The following PDE3B variants were observed in gnomAD, a reference collection of about 807,000 sequenced individuals.
The protein encoded by PDE3B is phosphodiesterase 3B.
PDE3B carries 66 observed loss-of-function variants against 116.8 expected under a neutral mutation model. That is an observed-to-expected ratio of 0.56 (90% confidence interval 0.46 to 0.69). The LOEUF (loss-of-function observed/expected upper bound fraction) is 0.69, where lower values mean the gene tolerates loss of function less well. Among genes scored for constraint, PDE3B ranks in the 30% least tolerant of loss-of-function variants. The pLI is 0.00. For synonymous variants in PDE3B, 595 were observed against 533.6 expected, an observed-to-expected ratio of 1.12 and a Z score of -1.59; for missense variants, 1,384 against 1,368.1, an observed-to-expected ratio of 1.01 and a Z score of -0.18.
chr11:14,681,519 T>G (rs1021505632), intron 1 of PDE3B, among the ~76,000 whole-genome samples: 1 of 152,200 alleles, frequency 6.6e-6, no homozygotes, highest in African/African-American at 2.4e-5. Context: ...GTGAGTCAAT[T>G]AAACCTCTTT....
the PDE3B span, among the ~76,000 whole-genome samples, chr11:14,887,972 G>A: frequency 1.5e-4 from 23 of 152,250 alleles, no homozygotes; most frequent in Admixed American, 9.2e-4. Flanking sequence ...AATTCTCAAC[G>A]TGGCATTCTC....
At chr11:14,790,080 G>A (rs1006207820) in intron 4 of PDE3B, among the ~76,000 whole-genome samples, 1 of 151,934 alleles carries the variant, frequency 6.6e-6, no homozygotes, top group African/African-American at 2.4e-5. Flanking sequence ...AACAGTAGAT[G>A]GCAGGATTGG....
intron 13 of PDE3B, 64 bp downstream of exon 13, chr11:14,859,310 T>C (rs947575840): frequency 1.5e-5 from 17 of 1,099,904 alleles, no homozygotes; most frequent in Non-Finnish European, 2.2e-5. Context: ...TGATAAAATA[T>C]GTTTTTTAAT....
chr11:14,765,166 T>A (rs1486983321), intron 1 of PDE3B, among the ~76,000 whole-genome samples: 2 of 152,004 alleles, frequency 1.3e-5, no homozygotes, highest in Non-Finnish European at 2.9e-5. Context: ...TAAAATGTCA[T>A]CAAGAAATGG....
intron 1 of PDE3B, among the ~76,000 whole-genome samples, chr11:14,656,406 C>G (rs1590035517): frequency 6.6e-6 from 1 of 152,144 alleles, no homozygotes; most frequent in East Asian, 1.9e-4. Context: ...TATATTTATA[C>G]TTATTGTCAT....
At chr11:14,666,312 C>T (rs1217513060) in intron 1 of PDE3B, among the ~76,000 whole-genome samples, 1 of 150,434 alleles carries the variant, frequency 6.6e-6, no homozygotes, top group Admixed American at 6.6e-5. Flanking sequence ...AAACGTTAGA[C>T]CTAAAACCAT....
chr11:14,787,110 T>G (rs1301042989), intron 3 of PDE3B, among the ~76,000 whole-genome samples: 1 of 152,138 alleles, frequency 6.6e-6, no homozygotes, highest in African/African-American at 2.4e-5. Context: ...GATTTTTAAG[T>G]TTTTTGAACC....
intron 2 of PDE3B, among the ~76,000 whole-genome samples, chr11:14,777,966 C>G (rs117731170): frequency 3.3e-5 from 5 of 152,198 alleles, no homozygotes; most frequent in African/African-American, 1.2e-4. Flanking sequence ...GCTTTTCCAC[C>G]TAATACTGCG....
chr11:14,892,210 C>G, the PDE3B span: 10 of 1,608,834 alleles, frequency 6.2e-6, no homozygotes, highest in African/African-American at 5.3e-5. Flanking sequence ...CCACATCGGC[C>G]CGAGCTGGAG....
At chr11:14,852,104 T>C (rs1847765263) in intron 12 of PDE3B, among the ~76,000 whole-genome samples, 1 of 152,216 alleles carries the variant, frequency 6.6e-6, no homozygotes, top group African/African-American at 2.4e-5. Flanking sequence ...TTGCCCAGGC[T>C]GGAGTGCAGT....
chr11:14,781,468 A>G (rs909586456), intron 2 of PDE3B, among the ~76,000 whole-genome samples: 1 of 152,232 alleles, frequency 6.6e-6, no homozygotes, highest in Non-Finnish European at 1.5e-5. Flanking sequence ...CACCATGATC[A>G]AGTGCGCTTC....
intron 1 of PDE3B, among the ~76,000 whole-genome samples, chr11:14,749,656 A>G (rs1271547328): frequency 6.6e-6 from 1 of 151,482 alleles, no homozygotes; most frequent in East Asian, 2.0e-4. Context: ...GCCATTCTTC[A>G]TATGTCACAA....
chr11:14,706,708 TA>T (rs2133823445), intron 1 of PDE3B, among the ~76,000 whole-genome samples: 1 of 152,108 alleles, frequency 6.6e-6, no homozygotes, highest in East Asian at 1.9e-4. Context: ...TTTTAGATCA[TA>T]GGTGAAATTG....
At chr11:14,646,011 C>G (rs961134294) in intron 1 of PDE3B, among the ~76,000 whole-genome samples, 21 of 152,186 alleles carry the variant, frequency 1.4e-4, no homozygotes, top group African/African-American at 4.8e-4. Flanking sequence ...GGTAACACAG[C>G]TTCACATGTC....
At chr11:14,737,334 C>G (rs1856630624) in intron 1 of PDE3B, among the ~76,000 whole-genome samples, 1 of 152,138 alleles carries the variant, frequency 6.6e-6, no homozygotes, top group African/African-American at 2.4e-5. Flanking sequence ...GCTGGGACTA[C>G]AGGCAGGCGC....
rs1859563663 is a variant in PDE3B, at chr11:14,822,808, G to A, written c.1807+3599G>A. On this transcript the variant is annotated intron_variant, in intron 7 of 15. Transcript: ENST00000282096. ...GAATTCAGGGGTCTGAGCAGCAATG[G>A]TCTTCAGGTCCCATGTCCACAGCAC... Among the ~76,000 whole-genome samples, 3 of 152,182 alleles carry A rather than the reference G, an allele frequency of 2.0e-5. No individual in the cohort carries two copies. In the South Asian group the frequency reaches 6.2e-4, roughly 31 times the overall value.
intron 1 of PDE3B, among the ~76,000 whole-genome samples, chr11:14,713,445 C>T (rs1285313741): frequency 6.6e-6 from 1 of 152,166 alleles, no homozygotes; most frequent in East Asian, 1.9e-4. Context: ...TTCTTTCCTA[C>T]CTGACTGCCT....
At chr11:14,710,348 T>C (rs1855667795) in intron 1 of PDE3B, among the ~76,000 whole-genome samples, 2 of 152,194 alleles carry the variant, frequency 1.3e-5, no homozygotes, top group South Asian at 2.1e-4. Context: ...GGACATCCTC[T>C]TCCACCCAGT....
intron 12 of PDE3B, among the ~76,000 whole-genome samples, chr11:14,858,145 C>G (rs1847883061): frequency 6.6e-6 from 1 of 152,162 alleles, no homozygotes; most frequent in Admixed American, 6.5e-5. Flanking sequence ...CAATTAAGCT[C>G]TCAGAATATG....
Sources: gnomAD v4.1 joint callset for allele counts (sites outside exome capture counted in the v4.1 genomes callset) on GRCh38, gnomAD v4.1.1 for gene constraint, MANE v1.5 for transcripts, NCBI Gene and HGNC (gene_info 2026-07-23, HGNC 2026-07-21) for gene names.